The following TSHZ2 variants were observed in gnomAD, a reference collection of about 807,000 sequenced individuals.
TSHZ2 encodes the protein teashirt homolog 2.
A neutral mutation model predicts 74.4 loss-of-function variants in TSHZ2; 21 were observed. The observed-to-expected ratio is 0.28, with a 90% CI of 0.20 to 0.41. TSHZ2 has a LOEUF of 0.41. Among genes scored for constraint, TSHZ2 ranks in the 10% least tolerant of loss-of-function variants. The probability of loss-of-function intolerance (pLI) is 1.00; values close to 1 mark genes in which losing one functional copy is unlikely to be tolerated. For synonymous variants in TSHZ2, 540 were observed against 515.3 expected (o/e 1.05, Z -0.65); for missense variants, 1,244 against 1,293.5 (o/e 0.96, Z 0.59).
intron 1 of TSHZ2, among the ~76,000 whole-genome samples, chr20:53,094,827 G>T (rs113800767): frequency 0.01 from 1,594 of 152,288 alleles, 19 homozygotes; most frequent in African/African-American, 0.025. Flanking sequence ...AATAGCCAGT[G>T]GCTGTTCTGT....
At chr20:53,075,966 C>A (rs1052218639) in intron 1 of TSHZ2, among the ~76,000 whole-genome samples, 2 of 152,190 alleles carry the variant, frequency 1.3e-5, no homozygotes, top group Admixed American at 1.3e-4. Context: ...GCAAGTCACC[C>A]AACCCCTCTT....
chr20:53,073,070 C>T (rs920245366), intron 1 of TSHZ2, among the ~76,000 whole-genome samples: 1 of 148,428 alleles, frequency 6.7e-6, no homozygotes, highest in African/African-American at 2.5e-5. Context: ...TCATCCATCC[C>T]TCCATTCCTT....
chr20:53,210,537 T>C (rs1001220322), intron 1 of TSHZ2, among the ~76,000 whole-genome samples: 3 of 151,902 alleles, frequency 2.0e-5, no homozygotes, highest in Admixed American at 6.6e-5. Context: ...CCTTCTCTCT[T>C]TCTCTGCCGT....
intron 1 of TSHZ2, among the ~76,000 whole-genome samples, chr20:52,999,882 CCTA>C (rs568315724): frequency 9.7e-4 from 148 of 152,300 alleles, no homozygotes; most frequent in African/African-American, 3.3e-3. Context: ...TCACTGAGTG[CCTA>C]CTGTGTGCCA....
At chr20:53,340,861 G>A (rs1341421209) in intron 2 of TSHZ2, among the ~76,000 whole-genome samples, 1 of 152,132 alleles carries the variant, frequency 6.6e-6, no homozygotes, top group Non-Finnish European at 1.5e-5. Flanking sequence ...GGTGGGGTAG[G>A]CCCTGCATCT....
chr20:53,285,195 T>C (rs1403242424), intron 2 of TSHZ2, among the ~76,000 whole-genome samples: 1 of 152,096 alleles, frequency 6.6e-6, no homozygotes. Flanking sequence ...AAAAGTTAAA[T>C]GTCCTTTTGC....
intron 2 of TSHZ2, among the ~76,000 whole-genome samples, chr20:53,263,902 C>T (rs950206128): frequency 6.6e-6 from 1 of 152,176 alleles, no homozygotes; most frequent in East Asian, 1.9e-4. Context: ...AGGCTGGGCT[C>T]CCCTGGAGAG....
At chr20:53,094,599 C>T (rs773654110) in intron 1 of TSHZ2, among the ~76,000 whole-genome samples, 13 of 152,210 alleles carry the variant, frequency 8.5e-5, no homozygotes, top group Admixed American at 2.0e-4. Flanking sequence ...TTTCTCCCCA[C>T]GGTGCAGTAC....
At chr20:53,120,966 A>G (rs1474046199) in intron 1 of TSHZ2, among the ~76,000 whole-genome samples, 2 of 152,180 alleles carry the variant, frequency 1.3e-5, no homozygotes, top group South Asian at 2.1e-4. Context: ...TTCGATACAA[A>G]TAGTTCTTCT....
At chr20:53,135,901 A>G (rs1263571859) in intron 1 of TSHZ2, among the ~76,000 whole-genome samples, 1 of 152,172 alleles carries the variant, frequency 6.6e-6, no homozygotes, top group East Asian at 1.9e-4. Context: ...CACCACACCC[A>G]GACAATGTTT....
At chr20:53,383,600 A>T (rs1165288781) in intron 2 of TSHZ2, among the ~76,000 whole-genome samples, 1 of 152,046 alleles carries the variant, frequency 6.6e-6, no homozygotes, top group Non-Finnish European at 1.5e-5. Flanking sequence ...TCTCTACTAA[A>T]AAATAATAAA....
intron 2 of TSHZ2, among the ~76,000 whole-genome samples, chr20:53,448,226 C>A (rs996852214): frequency 1.3e-5 from 2 of 152,116 alleles, no homozygotes; most frequent in African/African-American, 2.4e-5. Flanking sequence ...AGTCTGAAAT[C>A]CATCTCCCTG....
intron 2 of TSHZ2, among the ~76,000 whole-genome samples, chr20:53,262,405 C>T (rs1041894340): frequency 2.0e-5 from 3 of 152,144 alleles, no homozygotes; most frequent in South Asian, 2.1e-4. Context: ...GTTCATCAAA[C>T]GGCTCCTAAT....
intron 1 of TSHZ2, among the ~76,000 whole-genome samples, chr20:53,192,562 G>GGA (rs74177479): frequency 1.6e-5 from 2 of 127,256 alleles, no homozygotes; most frequent in Non-Finnish European, 3.3e-5. Context: ...TTAGTGTCTG[G>GGA]AAAAAAAAAA....
chr20:53,375,457 G>A (rs1981627010), intron 2 of TSHZ2, among the ~76,000 whole-genome samples: 2 of 152,204 alleles, frequency 1.3e-5, no homozygotes, highest in African/African-American at 4.8e-5. Flanking sequence ...ATGAAATAAT[G>A]ACTTACTAAA....
chr20:53,000,705 C>G (rs1033919752), intron 1 of TSHZ2, among the ~76,000 whole-genome samples: 1 of 152,066 alleles, frequency 6.6e-6, no homozygotes, highest in Non-Finnish European at 1.5e-5. Flanking sequence ...AACAATTTCA[C>G]CTGGATGAGA....
At position 53,392,544 on chromosome 20, in the gene TSHZ2, C is replaced by T. The variant is rs1277672133; in HGVS notation, c.*9-94600C>T. Among the ~76,000 whole-genome samples, 3 of 152,078 alleles carry T rather than the reference C, an allele frequency of 2.0e-5. No homozygotes were observed. The East Asian group carries it at 5.8e-4, about 29-fold the overall frequency. On this transcript the variant is annotated intron_variant, in intron 2 of 2. Transcript: ENST00000371497. ...AGGAAAAGTGAGATAGAAATTGTGC[C>T]AACAGTTTTGTAGCAATTAAGTATA...
intron 2 of TSHZ2, among the ~76,000 whole-genome samples, chr20:53,299,412 A>C (rs1410522270): frequency 1.3e-5 from 2 of 152,198 alleles, no homozygotes; most frequent in African/African-American, 4.8e-5. Flanking sequence ...ATTTTATTAT[A>C]ATATGGGTAA....
intron 1 of TSHZ2, among the ~76,000 whole-genome samples, chr20:53,226,273 G>A (rs776963859): frequency 1.5e-4 from 23 of 151,996 alleles, no homozygotes; most frequent in Non-Finnish European, 2.6e-4. Flanking sequence ...CAGTAACCTT[G>A]GGCAGTGTCC....
Sources: allele counts gnomAD v4.1 joint callset (sites outside exome capture counted in the v4.1 genomes callset), GRCh38; gene constraint gnomAD v4.1.1; transcripts MANE v1.5; gene names NCBI Gene and HGNC (gene_info 2026-07-23, HGNC 2026-07-21).